The following SMIM23 variants were observed in gnomAD, a reference collection of about 807,000 sequenced individuals.
SMIM23 encodes small integral membrane protein 23, also known as CTB-78H18.1.
A neutral mutation model predicts 12.8 loss-of-function variants in SMIM23; 10 were observed. The observed-to-expected ratio is 0.78, with a 90% CI of 0.48 to 1.32. The LOEUF is 1.32. Among genes scored for constraint, SMIM23 ranks in the 40% most tolerant of loss-of-function variants. The pLI is 0.00. For missense variants in SMIM23, 184 were observed against 198.2 expected, an observed-to-expected ratio of 0.93 and a Z score of 0.43; for synonymous variants, 78 against 80.1, an observed-to-expected ratio of 0.97 and a Z score of 0.14.
chr5:171,777,070 C>A, the SMIM23 span, among the ~76,000 whole-genome samples: 1 of 107,186 alleles, frequency 9.3e-6, no homozygotes, highest in African/African-American at 4.4e-5. Flanking sequence ...TTTTTTTTTC[C>A]TTCTTGGCCT....
upstream of SMIM23, among the ~76,000 whole-genome samples, chr5:171,784,983 A>G (rs1325947134): frequency 6.6e-6 from 1 of 152,212 alleles, no homozygotes; most frequent in African/African-American, 2.4e-5. Flanking sequence ...GGAATAAACA[A>G]ATTTTAGAAA....
At chr5:171,778,897 G>A (rs1010110585), upstream of SMIM23, among the ~76,000 whole-genome samples, 4 of 151,966 alleles carry the variant, frequency 2.6e-5, no homozygotes, top group Admixed American at 6.6e-5. Flanking sequence ...TGGTCCCAAC[G>A]GCTATTCTTC....
upstream of SMIM23, among the ~76,000 whole-genome samples, chr5:171,785,665 C>T (rs998920346): frequency 6.6e-6 from 1 of 152,186 alleles, no homozygotes; most frequent in Admixed American, 6.5e-5. Context: ...TCTTCCTGAT[C>T]TTTGTTTTCT....
At chr5:171,775,807 C>T in the SMIM23 span, among the ~76,000 whole-genome samples, 2 of 152,198 alleles carry the variant, frequency 1.3e-5, no homozygotes, top group African/African-American at 4.8e-5. Flanking sequence ...CATCGCCATG[C>T]GTCAGAATTT....
At position 171,791,012 on chromosome 5, in the gene SMIM23, G is replaced by A. The variant is rs1387903994; in HGVS notation, c.443G>A (p.Trp148Ter). ...CSTYKSHLWE[W>*]AWALGREHKG... ...ACATATAAAAGTCACTTGTGGGAGT[G>A]GGCCTGGGCCCTGGGGAGAGAGCAC... The change falls in exon 4 of 4, where the codon TGG (tryptophan) becomes TAG (stop). Residue 148 changes from tryptophan (W) to a stop codon, truncating the protein, a stop_gained. Coordinates refer to ENST00000523047, the MANE Select transcript of SMIM23 (RefSeq NM_001289970.2). LOFTEE classifies it low-confidence loss of function (END_TRUNC). 1.7e-5 allele frequency: 26 copies of A among 1,535,062 alleles called. No individual in the cohort carries two copies. The highest frequency in any genetic ancestry group is 2.2e-5 in the Non-Finnish European group (25 of 1,146,858).
At chr5:171,785,758 C>A, upstream of SMIM23, 1 of 800,196 alleles carries the variant, frequency 1.2e-6, no homozygotes, top group Non-Finnish European at 2.1e-6. Context: ...TCCCTACCTT[C>A]TGTGACATCA....
chr5:171,790,434 A>C (rs1755900907), intron 2 of SMIM23, 48 bp from the exon 3 acceptor site: 2 of 1,530,418 alleles, frequency 1.3e-6, no homozygotes, highest in Middle Eastern at 1.7e-4. Context: ...TGTTTATTTC[A>C]ATTAGTGCTC....
intron 1 of SMIM23, among the ~76,000 whole-genome samples, chr5:171,788,245 C>T (rs901763461): frequency 1.3e-5 from 2 of 151,608 alleles, no homozygotes; most frequent in African/African-American, 4.9e-5. Flanking sequence ...AAAATTTCCA[C>T]ATTAGCAGAA....
At chr5:171,776,193 A>G in the SMIM23 span, among the ~76,000 whole-genome samples, 2 of 144,582 alleles carry the variant, frequency 1.4e-5, no homozygotes, top group South Asian at 4.4e-4. Flanking sequence ...TTTTATCCCT[A>G]CCTTACAGAT....
upstream of SMIM23, among the ~76,000 whole-genome samples, chr5:171,777,826 G>C (rs1182788428): frequency 2.0e-5 from 3 of 152,076 alleles, no homozygotes; most frequent in Non-Finnish European, 4.4e-5. Flanking sequence ...TGAGTCTTGG[G>C]GGTGACACAG....
chr5:171,790,107 AAGTT>A (rs756836399), intron 1 of SMIM23, 119 bp from the exon 2 acceptor site: 61 of 942,238 alleles, frequency 6.5e-5, no homozygotes, highest in Non-Finnish European at 9.5e-5. Flanking sequence ...ACTAGAACAA[AAGTT>A]AAACTCAAAA....
chr5:171,774,491 G>C, the SMIM23 span: 1 of 456,148 alleles, frequency 2.2e-6, no homozygotes, highest in Non-Finnish European at 4.4e-6. Context: ...TTGCACCTCG[G>C]ATGGCCGAGG....
the SMIM23 span, among the ~76,000 whole-genome samples, chr5:171,775,244 A>G: frequency 2.0e-5 from 3 of 152,072 alleles, no homozygotes; most frequent in African/African-American, 4.8e-5. Flanking sequence ...TCAAATTCAA[A>G]TGTACACAAT....
the SMIM23 span, among the ~76,000 whole-genome samples, chr5:171,776,953 C>A: frequency 6.6e-6 from 1 of 152,122 alleles, no homozygotes; most frequent in Non-Finnish European, 1.5e-5. Context: ...GCCGTTGATT[C>A]ATTTGTCTGC....
At chr5:171,782,045 C>T (rs1031624015), upstream of SMIM23, among the ~76,000 whole-genome samples, 1 of 152,226 alleles carries the variant, frequency 6.6e-6, no homozygotes, top group Non-Finnish European at 1.5e-5. Context: ...TGGCAACCTG[C>T]TTAGGTACCT....
At chr5:171,781,433 T>A (rs1474213701), upstream of SMIM23, among the ~76,000 whole-genome samples, 3 of 152,166 alleles carry the variant, frequency 2.0e-5, no homozygotes, top group Admixed American at 2.0e-4. Flanking sequence ...TCATACCTCA[T>A]GGAACCAATC....
At chr5:171,778,829 A>G (rs1303386927), upstream of SMIM23, among the ~76,000 whole-genome samples, 1 of 152,254 alleles carries the variant, frequency 6.6e-6, no homozygotes, top group East Asian at 1.9e-4. Context: ...CGCAGGGTAT[A>G]CATTTACCCC....
intron 1 of SMIM23, among the ~76,000 whole-genome samples, chr5:171,790,029 G>C (rs1436928044): frequency 6.6e-6 from 1 of 152,228 alleles, no homozygotes; most frequent in East Asian, 1.9e-4. Context: ...TTGAACATCA[G>C]TAAGTTGCAG....
chr5:171,775,737 AAGTGCTTAATTC>A, the SMIM23 span, among the ~76,000 whole-genome samples: 1 of 152,206 alleles, frequency 6.6e-6, no homozygotes, highest in Non-Finnish European at 1.5e-5. Context: ...AATGAATGCA[AAGTGCTTAATTC>A]AGTGCTTAAC....
Sources: allele counts gnomAD v4.1 joint callset (sites outside exome capture counted in the v4.1 genomes callset), GRCh38; gene constraint gnomAD v4.1.1; transcripts MANE v1.5; gene names NCBI Gene and HGNC (gene_info 2026-07-23, HGNC 2026-07-21).